Variants in PRKCE observed in about 807,000 individuals in gnomAD.
The protein encoded by PRKCE is protein kinase C epsilon type.
A neutral mutation model predicts 85.4 loss-of-function variants in PRKCE; 16 were observed. That is an observed-to-expected ratio of 0.19 (90% CI 0.13 to 0.28). The LOEUF (loss-of-function observed/expected upper bound fraction) is 0.28. Among genes scored for constraint, PRKCE ranks in the 10% least tolerant of loss-of-function variants. PRKCE has a pLI of 1.00. For synonymous variants in PRKCE, 388 were observed against 371.5 expected, an observed-to-expected ratio of 1.04 and a Z score of -0.51; for missense variants, 573 against 975.2, an observed-to-expected ratio of 0.59 and a Z score of 5.49.
intron 10 of PRKCE, among the ~76,000 whole-genome samples, chr2:46,069,279 TCAC>T: frequency 6.6e-6 from 1 of 152,212 alleles, no homozygotes; most frequent in African/African-American, 2.4e-5. Context: ...AAATTGCCAG[TCAC>T]TAACTATTGA....
chr2:46,033,228 C>T (rs952774861), intron 10 of PRKCE, among the ~76,000 whole-genome samples: 11 of 152,176 alleles, frequency 7.2e-5, no homozygotes, highest in Admixed American at 1.3e-4. Flanking sequence ...GATGACAGCA[C>T]GTCAACACAT....
intron 2 of PRKCE, among the ~76,000 whole-genome samples, chr2:45,912,984 C>G (rs1697492757): frequency 6.6e-6 from 1 of 152,188 alleles, no homozygotes; most frequent in South Asian, 2.1e-4. Flanking sequence ...ATATCTGGAA[C>G]TGGTGGTCAG....
At position 45,696,923 on chromosome 2, in the gene PRKCE, C is replaced by T. The variant is rs62128644; in HGVS notation, c.348+44475C>T. On this transcript the variant is annotated intron_variant, in intron 1 of 14. Coordinates refer to ENST00000306156, the MANE Select transcript of PRKCE (RefSeq NM_005400.3). ...GTGACTGGTCTCATGACCAGAGCCC[C>T]CAGTCACAGACCTGCTTTCCTCCCA... Among the ~76,000 whole-genome samples, 568 of 152,186 alleles carry T rather than the reference C, an allele frequency of 3.7e-3. 4 individuals are homozygous for T. Among genetic ancestry groups the T allele is most frequent in the Admixed American group, 7.2e-3 (110 of 15,298 alleles).
At chr2:45,866,839 A>G (rs1406419760) in intron 2 of PRKCE, among the ~76,000 whole-genome samples, 1 of 152,236 alleles carries the variant, frequency 6.6e-6, no homozygotes, top group Non-Finnish European at 1.5e-5. Context: ...ATTGTGGAAA[A>G]TTCTATTGGC....
At chr2:45,655,759 C>T (rs1675347146) in intron 1 of PRKCE, among the ~76,000 whole-genome samples, 1 of 148,538 alleles carries the variant, frequency 6.7e-6, no homozygotes, top group Non-Finnish European at 1.5e-5. Flanking sequence ...TTACTTGAGT[C>T]CAGGAGTTCA....
chr2:45,849,275 A>C (rs1027696474), intron 2 of PRKCE, among the ~76,000 whole-genome samples: 50 of 152,164 alleles, frequency 3.3e-4, no homozygotes, highest in African/African-American at 1.2e-3. Context: ...AGTCTGGGAC[A>C]CTGGGCAGAG....
chr2:45,651,756 G>A lies in PRKCE; in HGVS notation c.-345G>A, dbSNP rs371835093. The A allele has an allele frequency of 3.1e-4, 61 of 195,050 alleles. No individual in the cohort carries two copies. The highest frequency in any genetic ancestry group is 3.8e-3 in the Middle Eastern group (2 of 522). 12.1% of individuals were successfully genotyped at this position (195,050 alleles called of 1,614,324 possible). A position where few individuals can be genotyped will look rare whatever the true frequency, so the allele number is the denominator to read the frequency against. On this transcript the variant is annotated 5_prime_UTR_variant, in exon 1 of 15. Coordinates refer to ENST00000306156, the MANE Select transcript of PRKCE (RefSeq NM_005400.3). The stretch of plus-strand genomic sequence containing the variant: ...CTTTCCCGCAGTCCGGAGCCGGAGA[G>A]CCAGCGAGGCGGCGAGGCAGCCCCC...
At chr2:46,043,995 A>G (rs1708370245) in intron 10 of PRKCE, among the ~76,000 whole-genome samples, 1 of 152,202 alleles carries the variant, frequency 6.6e-6, no homozygotes, top group Non-Finnish European at 1.5e-5. Flanking sequence ...GCATAGCAAT[A>G]ATGAGTGACA....
At chr2:45,803,518 A>G (rs1228681964) in intron 1 of PRKCE, among the ~76,000 whole-genome samples, 1 of 152,186 alleles carries the variant, frequency 6.6e-6, no homozygotes, top group Non-Finnish European at 1.5e-5. Flanking sequence ...GACAGTGGGA[A>G]GGGTTTGCTA....
chr2:45,784,730 G>A (rs181601542), intron 1 of PRKCE, among the ~76,000 whole-genome samples: 5 of 152,234 alleles, frequency 3.3e-5, no homozygotes, highest in African/African-American at 1.2e-4. Flanking sequence ...ATGAAGCTAC[G>A]CCTGTGAGCC....
chr2:45,984,432 G>A, intron 5 of PRKCE, 119 bp from the exon 6 acceptor site: 1 of 1,435,530 alleles, frequency 7.0e-7, no homozygotes, highest in South Asian at 1.3e-5. Context: ...GCCAAGCTAG[G>A]GCCTGCCACC....
chr2:45,680,538 G>A (rs759654298), intron 1 of PRKCE, among the ~76,000 whole-genome samples: 2 of 152,150 alleles, frequency 1.3e-5, no homozygotes, highest in African/African-American at 2.4e-5. Flanking sequence ...ACATGCTTGC[G>A]ACATGGTGAA....
rs1373700877 is a variant in PRKCE at position 45,941,979 on chromosome 2, T to C, written c.413-34450T>C. 1.3e-5 allele frequency among the ~76,000 whole-genome samples: 2 copies of C among 152,208 alleles called. 1 individual carries two copies. The highest frequency in any genetic ancestry group is 4.8e-5 in the African/African-American group (2 of 41,456). ...AGGCTGCTGCAGGTAGCTGAAGTTT[T>C]TTTCTGAGTTGGCTCCATCTTTCAA... On this transcript the variant is annotated intron_variant, in intron 2 of 14. Transcript: ENST00000306156.
At chr2:45,910,843 G>A (rs541717803) in intron 2 of PRKCE, among the ~76,000 whole-genome samples, 4 of 152,198 alleles carry the variant, frequency 2.6e-5, no homozygotes, top group Non-Finnish European at 4.4e-5. Flanking sequence ...AGGATGTGCT[G>A]GACAGAGTCC....
At chr2:46,085,123 A>G (rs1279679408) in intron 10 of PRKCE, among the ~76,000 whole-genome samples, 3 of 152,118 alleles carry the variant, frequency 2.0e-5, no homozygotes, top group African/African-American at 7.2e-5. Context: ...AGGAGCTTAG[A>G]ATATAATAGT....
chr2:45,730,492 C>T (rs546779829), intron 1 of PRKCE, among the ~76,000 whole-genome samples: 33 of 149,598 alleles, frequency 2.2e-4, no homozygotes, highest in Admixed American at 1.6e-3. Flanking sequence ...CAGAGTCTCA[C>T]CCTGTTGCCC....
At chr2:46,099,501 T>A (rs924727485) in intron 11 of PRKCE, among the ~76,000 whole-genome samples, 2 of 65,874 alleles carry the variant, frequency 3.0e-5, no homozygotes, top group African/African-American at 1.4e-4. Context: ...AGGTATGGTA[T>A]TTTTTTTTTT....
chr2:45,796,222 G>A (rs1306675595), intron 1 of PRKCE, among the ~76,000 whole-genome samples: 5 of 152,252 alleles, frequency 3.3e-5, no homozygotes, highest in Non-Finnish European at 5.9e-5. Flanking sequence ...TCCAGGTGTC[G>A]TTTGTATAAC....
chr2:45,841,878 C>T (rs1302453994), intron 1 of PRKCE, among the ~76,000 whole-genome samples: 1 of 152,164 alleles, frequency 6.6e-6, no homozygotes, highest in East Asian at 1.9e-4. Flanking sequence ...AAATGCTTGC[C>T]TGCTCTTTGC....
Sources: gnomAD v4.1 joint callset for allele counts (sites outside exome capture counted in the v4.1 genomes callset) on GRCh38, gnomAD v4.1.1 for gene constraint, MANE v1.5 for transcripts, NCBI Gene and HGNC (gene_info 2026-07-23, HGNC 2026-07-21) for gene names.